Variants in KCNS3 observed in about 807,000 individuals in gnomAD.
KCNS3 encodes delayed-rectifier potassium channel regulatory subunit KCNS3.
Under a neutral mutation model 31.0 loss-of-function variants are expected in KCNS3, and 13 were observed. The ratio of observed to expected loss-of-function variants is 0.42; its 90% CI spans 0.27 to 0.67. The LOEUF is 0.67. Among genes scored for constraint, KCNS3 ranks in the 30% least tolerant of loss-of-function variants. KCNS3 has a pLI of 0.25. For synonymous variants in KCNS3, 238 were observed against 241.5 expected (o/e 0.99, Z 0.13); for missense variants, 545 against 622.4 (o/e 0.88, Z 1.32).
At chr2:17,883,937 T>C (rs1294052673) in intron 1 of KCNS3, among the ~76,000 whole-genome samples, 2 of 151,996 alleles carry the variant, frequency 1.3e-5, no homozygotes, top group African/African-American at 4.8e-5. Flanking sequence ...TAAAAAAGGA[T>C]GAGTTTATGT....
At chr2:17,916,857 TTTC>T (rs199713355) in intron 1 of KCNS3, among the ~76,000 whole-genome samples, 10,364 of 151,818 alleles carry the variant, frequency 0.068, 970 homozygotes, top group East Asian at 0.31. Context: ...GAATCAATAT[TTTC>T]TTCTTCTTCT....
intron 1 of KCNS3, among the ~76,000 whole-genome samples, chr2:17,903,951 A>G (rs1374240307): frequency 6.6e-6 from 1 of 152,210 alleles, no homozygotes; most frequent in Non-Finnish European, 1.5e-5. Context: ...AGCATGATTT[A>G]TAATCCTTTG....
intron 1 of KCNS3, among the ~76,000 whole-genome samples, chr2:17,913,607 A>T (rs971785741): frequency 2.0e-5 from 3 of 152,244 alleles, no homozygotes; most frequent in Non-Finnish European, 4.4e-5. Flanking sequence ...GCCATGACTG[A>T]ATTCTAAAAG....
chr2:17,922,240 C>T (rs1662734600), intron 2 of KCNS3, among the ~76,000 whole-genome samples: 1 of 151,760 alleles, frequency 6.6e-6, no homozygotes, highest in Admixed American at 6.6e-5. Flanking sequence ...TCCCCATCAG[C>T]TTTTTATCCG....
chr2:17,882,676 T>G (rs1674668944), intron 1 of KCNS3, among the ~76,000 whole-genome samples: 1 of 152,158 alleles, frequency 6.6e-6, no homozygotes, highest in Non-Finnish European at 1.5e-5. Context: ...AAGAGTGTTG[T>G]TGTTTTATTG....
chr2:17,931,757 T>A lies in KCNS3; in HGVS notation c.749T>A (p.Phe250Tyr). The change falls in exon 3 of 3, where the codon TTC becomes TAC. Residue 250 changes from phenylalanine to tyrosine, a missense_variant. Coordinates refer to ENST00000304101, the MANE Select transcript of KCNS3 (RefSeq NM_002252.5). This position sits in a 1 kb window ranked among gnomAD's most constrained non-coding sequence, Gnocchi z 5.4. The stretch of plus-strand genomic sequence containing the variant: ...GCTGCCGCTCCTTGTCAAAAGAAAT[T>A]CTGGAAAAACCCTCTGAACATCATT... ...RLAAAPCQKKFWKNPLNIIDF... is the reference protein window; with the variant it reads ...RLAAAPCQKKYWKNPLNIIDF... The A allele has an allele frequency of 6.2e-7, 1 of 1,613,918 alleles. No individual in the cohort carries two copies. The highest frequency in any genetic ancestry group is 8.5e-7 in the Non-Finnish European group (1 of 1,179,854).
chr2:17,926,764 A>C (rs1380254906), intron 2 of KCNS3, among the ~76,000 whole-genome samples: 1 of 152,232 alleles, frequency 6.6e-6, no homozygotes, highest in Non-Finnish European at 1.5e-5. Context: ...CCAGGCTTCT[A>C]GGCCTGTGGT....
chr2:17,884,865 T>C (rs1241841349), intron 1 of KCNS3, among the ~76,000 whole-genome samples: 1 of 152,046 alleles, frequency 6.6e-6, no homozygotes. Flanking sequence ...GATTAGACAT[T>C]TGAATCCTAG....
intron 1 of KCNS3, among the ~76,000 whole-genome samples, chr2:17,915,366 T>G (rs1334644347): frequency 6.6e-6 from 1 of 152,190 alleles, no homozygotes; most frequent in Non-Finnish European, 1.5e-5. Flanking sequence ...ATGGGATTGT[T>G]AGGCAGGAAT....
chr2:17,925,027 T>C (rs576955882), intron 2 of KCNS3, among the ~76,000 whole-genome samples: 3 of 152,316 alleles, frequency 2.0e-5, no homozygotes, highest in South Asian at 4.1e-4. Context: ...ATAAATAGGT[T>C]TATTCAGATT....
chr2:17,921,250 T>A (rs929093360), intron 2 of KCNS3, among the ~76,000 whole-genome samples: 3 of 152,332 alleles, frequency 2.0e-5, no homozygotes, highest in Admixed American at 1.3e-4. Context: ...TACATTAAAC[T>A]CTTTTGTGCC....
intron 1 of KCNS3, among the ~76,000 whole-genome samples, chr2:17,888,627 ATGTATATATATAT>A (rs1184665778): frequency 1.7e-5 from 1 of 57,726 alleles, no homozygotes; most frequent in Non-Finnish European, 3.3e-5. Flanking sequence ...AATAAAAAAA[ATGTATATATATAT>A]ATATATATAT....
At position 17,890,399 on chromosome 2, in the gene KCNS3, A is replaced by AT. The variant is rs55788100; in HGVS notation, c.-252+11606dup. 1.5e-3 allele frequency among the ~76,000 whole-genome samples: 223 copies of AT among 148,916 alleles called. 2 individuals carry two copies. The highest frequency in any genetic ancestry group is 4.7e-3 in the African/African-American group (190 of 40,330). On this transcript the variant is annotated intron_variant, in intron 1 of 2. Coordinates refer to ENST00000304101, the MANE Select transcript of KCNS3 (RefSeq NM_002252.5). ...GCTTTTTGTTTCATTTATCTTTTGTATTTTTTTTTTTTTGTTTCAATTTCA... is the reference window on the plus strand; with the variant it reads ...GCTTTTTGTTTCATTTATCTTTTGTATTTTTTTTTTTTTTGTTTCAATTTCA...
At chr2:17,925,525 C>T (rs777413479) in intron 2 of KCNS3, among the ~76,000 whole-genome samples, 11 of 152,090 alleles carry the variant, frequency 7.2e-5, no homozygotes, top group Admixed American at 3.3e-4. Flanking sequence ...CTCACAGTTC[C>T]GCAGGGCTAG....
intron 1 of KCNS3, among the ~76,000 whole-genome samples, chr2:17,909,767 T>G (rs1662427581): frequency 6.6e-6 from 1 of 152,198 alleles, no homozygotes; most frequent in Non-Finnish European, 1.5e-5. Context: ...AATTAGGATA[T>G]GGCTCACTTG....
intron 1 of KCNS3, among the ~76,000 whole-genome samples, chr2:17,907,046 G>A (rs1662336775): frequency 6.6e-6 from 1 of 152,192 alleles, no homozygotes; most frequent in Non-Finnish European, 1.5e-5. Flanking sequence ...TCTGTCTAAT[G>A]TTGACAGTGG....
chr2:17,924,052 A>T (rs1265052906), intron 2 of KCNS3, among the ~76,000 whole-genome samples: 1 of 151,910 alleles, frequency 6.6e-6, no homozygotes. Flanking sequence ...AACATTGTGT[A>T]GTTTTCATTT....
At chr2:17,913,600 A>C (rs1016093412) in intron 1 of KCNS3, among the ~76,000 whole-genome samples, 1 of 152,246 alleles carries the variant, frequency 6.6e-6, no homozygotes, top group African/African-American at 2.4e-5. Context: ...TGTAAATGCC[A>C]TGACTGAATT....
chr2:17,931,387 G>A lies in KCNS3; in HGVS notation c.379G>A (p.Glu127Lys), dbSNP rs753427272. 3 of 1,614,040 alleles carry A rather than the reference G, an allele frequency of 1.9e-6. No individual in the cohort carries two copies. In the East Asian group the frequency reaches 6.7e-5, roughly 36 times the overall value. Residue 127 changes from glutamate to lysine, a missense_variant, in exon 3 of 3, where the codon GAA (glutamate) becomes AAA (lysine). Coordinates refer to ENST00000304101, the MANE Select transcript of KCNS3 (RefSeq NM_002252.5). This position sits in a 1 kb window ranked among gnomAD's most constrained non-coding sequence, Gnocchi z 5.4. ...CSNRYQERKE[E>K]NHEKDWDQKS... ...CAATCGCTACCAGGAACGCAAGGAG[G>A]AAAACCACGAGAAGGACTGGGACCA... is the stretch of plus-strand genomic sequence containing the variant.
Sources: allele counts gnomAD v4.1 joint callset (sites outside exome capture counted in the v4.1 genomes callset), GRCh38; gene constraint gnomAD v4.1.1; non-coding constraint Gnocchi (gnomAD v3.1); transcripts MANE v1.5; gene names NCBI Gene and HGNC (gene_info 2026-07-23, HGNC 2026-07-21).